Variants in ABCA13 observed in about 807,000 individuals in gnomAD.
ABCA13 encodes ATP-binding cassette sub-family A member 13.
A neutral mutation model predicts 478.7 loss-of-function variants in ABCA13; 476 were observed. The ratio of observed to expected loss-of-function variants is 0.99; its 90% CI spans 0.92 to 1.07. The LOEUF (loss-of-function observed/expected upper bound fraction) is 1.07, where lower values mean the gene tolerates loss of function less well. Ranked by LOEUF, ABCA13 falls within the 50% of genes least tolerant of loss-of-function variation. The pLI is 0.00. For missense variants in ABCA13, 6,060 were observed against 5,910.6 expected, an observed-to-expected ratio of 1.03 and a Z score of -0.83; for synonymous variants, 2,252 against 2,158.9, an observed-to-expected ratio of 1.04 and a Z score of -1.20.
intron 1 of ABCA13, among the ~76,000 whole-genome samples, chr7:48,187,028 T>TATAC (rs1290589114): frequency 6.0e-5 from 9 of 149,828 alleles, no homozygotes; most frequent in Middle Eastern, 3.3e-3. Flanking sequence ...TGTATATATA[T>TATAC]ATATATATCA....
intron 57 of ABCA13, among the ~76,000 whole-genome samples, chr7:48,593,667 AT>A (rs139806164): frequency 8.1e-4 from 113 of 139,340 alleles, no homozygotes; most frequent in Middle Eastern, 3.9e-3. Flanking sequence ...CCCCTTTAGC[AT>A]TTTTTTTTTA....
chr7:48,204,904 A>C, intron 3 of ABCA13, among the ~76,000 whole-genome samples: 1 of 152,140 alleles, frequency 6.6e-6, no homozygotes, highest in East Asian at 1.9e-4. Flanking sequence ...AGAAAGAAAA[A>C]ACGATCCAAG....
intron 42 of ABCA13, among the ~76,000 whole-genome samples, chr7:48,433,585 C>T (rs997903621): frequency 2.6e-5 from 4 of 151,596 alleles, no homozygotes; most frequent in Non-Finnish European, 5.9e-5. Context: ...TGGCATTACG[C>T]ACATTCACAT....
chr7:48,306,580 C>T (rs577935666), intron 23 of ABCA13, among the ~76,000 whole-genome samples: 4 of 152,300 alleles, frequency 2.6e-5, no homozygotes, highest in South Asian at 2.1e-4. Flanking sequence ...GAGAGCTTCC[C>T]CTCTGCCCAG....
In ABCA13 at chr7:48,273,538, T is replaced by G. The variant is rs1229468878; in HGVS notation, c.3872T>G (p.Phe1291Cys). The change falls in exon 17 of 62, where the codon TTT becomes TGT. Residue 1291 changes from phenylalanine to cysteine, a missense_variant. By Grantham distance (205) the Phe-to-Cys change is radical. Coordinates refer to ENST00000435803, the MANE Select transcript of ABCA13 (RefSeq NM_152701.5). Reference protein sequence around the residue: ...LNSLLEVFIEFSSTSEYIVRN... With the variant: ...LNSLLEVFIECSSTSEYIVRN... ...TCTCTGCTTGAAGTTTTCATTGAGT[T>G]TAGCAGTACCTCAGAATATATAGTC... 1.3e-6 allele frequency: 2 copies of G among 1,584,092 alleles called. No homozygotes were observed. The highest frequency in any genetic ancestry group is 1.7e-6 in the Non-Finnish European group (2 of 1,163,106).
At chr7:48,615,179 T>C in intron 58 of ABCA13, 106 bp from the exon 59 acceptor site, 1 of 584,064 alleles carries the variant, frequency 1.7e-6, no homozygotes. Flanking sequence ...AAAAATTAAG[T>C]AATTTGCCCT....
chr7:48,273,881 T>G lies in ABCA13; in HGVS notation c.4215T>G (p.Tyr1405Ter). ...IVWLDVINHL[Y>*]LLSNSSFSQG... is the part of the protein sequence containing the mutation. Reference sequence around the variant, plus strand: ...GGTTAGATGTCATAAACCATTTGTATTTGTTGTCTAACTCCAGTTTTTCAC... The same window carrying G: ...GGTTAGATGTCATAAACCATTTGTAGTTGTTGTCTAACTCCAGTTTTTCAC... Residue 1405 changes from tyrosine to a stop codon, truncating the protein, a stop_gained, in exon 17 of 62, where the codon TAT (tyrosine) becomes TAG (stop). Transcript: ENST00000435803. LOFTEE classifies it high-confidence loss of function. The G allele has an allele frequency of 1.9e-6, 3 of 1,612,850 alleles. No homozygotes were observed. Among genetic ancestry groups the G allele is most frequent in the Non-Finnish European group, 2.5e-6 (3 of 1,179,250 alleles).
chr7:48,573,227 C>A (rs571426326), intron 55 of ABCA13, among the ~76,000 whole-genome samples: 4 of 151,910 alleles, frequency 2.6e-5, no homozygotes, highest in East Asian at 3.9e-4. Flanking sequence ...GTATAATTCA[C>A]CTCTTTTTCC....
In ABCA13 at chr7:48,528,312, C is replaced by T; in HGVS notation, c.14321C>T (p.Thr4774Ile). The change falls in exon 55 of 62, where the codon ACT becomes ATT. Residue 4774 changes from threonine (T) to isoleucine (I), a missense_variant. By Grantham distance (89) the Thr-to-Ile change is moderately conservative. Transcript: ENST00000435803. ...ATGCTGAATGGTGAAGTTTCTCTAA[C>T]TTCAGGACATGCTATCATCAGGACT... is the stretch of plus-strand genomic sequence containing the variant. ...FKMLNGEVSLTSGHAIIRTPM... is the reference protein window; with the variant it reads ...FKMLNGEVSLISGHAIIRTPM... 1 of 1,571,718 alleles carries T rather than the reference C, an allele frequency of 6.4e-7. No individual in the cohort carries two copies. Among genetic ancestry groups the T allele is most frequent in the Non-Finnish European group, 8.6e-7 (1 of 1,157,226 alleles).
intron 45 of ABCA13, among the ~76,000 whole-genome samples, chr7:48,480,284 A>G (rs1377947566): frequency 2.0e-5 from 3 of 152,232 alleles, no homozygotes; most frequent in Non-Finnish European, 4.4e-5. Context: ...CCTCAGCTGC[A>G]GAACTCAGCT....
At chr7:48,257,972 G>C (rs113716463) in intron 15 of ABCA13, among the ~76,000 whole-genome samples, 1 of 152,110 alleles carries the variant, frequency 6.6e-6, no homozygotes, top group African/African-American at 2.4e-5. Context: ...TGCCCAGGCT[G>C]GAGTGAAGTG....
chr7:48,602,893 C>T (rs999101924), intron 58 of ABCA13, among the ~76,000 whole-genome samples: 2 of 152,018 alleles, frequency 1.3e-5, no homozygotes, highest in African/African-American at 4.8e-5. Flanking sequence ...ATTGTGTCCT[C>T]TTTTATTTCC....
chr7:48,222,501 T>G (rs1787514668), intron 5 of ABCA13, among the ~76,000 whole-genome samples: 1 of 152,226 alleles, frequency 6.6e-6, no homozygotes, highest in Admixed American at 6.5e-5. Flanking sequence ...GCATAAAATG[T>G]TCATTGATAA....
At chr7:48,431,653 T>C (rs2129144269) in intron 42 of ABCA13, among the ~76,000 whole-genome samples, 1 of 152,362 alleles carries the variant, frequency 6.6e-6, no homozygotes, top group South Asian at 2.1e-4. Context: ...ATCTGTTGAC[T>C]TCTGTTTTTA....
chr7:48,435,802 G>A (rs1487799927), intron 42 of ABCA13, among the ~76,000 whole-genome samples: 1 of 151,354 alleles, frequency 6.6e-6, no homozygotes, highest in African/African-American at 2.4e-5. Flanking sequence ...TCCTTTTAAT[G>A]TGTGGTATTA....
At chr7:48,300,136 A>G (rs1305173405) in intron 23 of ABCA13, among the ~76,000 whole-genome samples, 2 of 152,182 alleles carry the variant, frequency 1.3e-5, no homozygotes, top group Non-Finnish European at 2.9e-5. Flanking sequence ...TAGCAGCACC[A>G]TATTATTTCT....
rs368440480 is a variant in ABCA13 at position 48,427,833 on chromosome 7, T to G, written c.12527T>G (p.Leu4176Arg). 7 of 1,612,582 alleles carry G rather than the reference T, an allele frequency of 4.3e-6. No individual in the cohort carries two copies. The African/African-American group carries it at 5.3e-5, about 12-fold the overall frequency. Residue 4176 changes from leucine to arginine, a missense_variant, in exon 42 of 62, where the codon CTG becomes CGG. Leu to Arg is a moderately radical substitution (Grantham distance 102). Coordinates refer to ENST00000435803, the MANE Select transcript of ABCA13 (RefSeq NM_152701.5). The part of the protein sequence containing the change: ...SHIALGTESE[L>R]QNHRPTGHLS... ...ATTGCCCTGGGGACTGAGTCAGAGC[T>G]GCAGAACCACAGGCCTACAGGACAT...
chr7:48,564,886 A>G (rs1786870433), intron 55 of ABCA13, among the ~76,000 whole-genome samples: 1 of 152,132 alleles, frequency 6.6e-6, no homozygotes, highest in South Asian at 2.1e-4. Context: ...TACTATCCGG[A>G]ATCTGTAAAA....
chr7:48,179,415 GT>G (rs1271518923), intron 1 of ABCA13, among the ~76,000 whole-genome samples: 2 of 152,174 alleles, frequency 1.3e-5, no homozygotes, highest in African/African-American at 4.8e-5. Context: ...TGTCGGGGAT[GT>G]TTTCCTCCCC....
Sources: allele counts gnomAD v4.1 joint callset (sites outside exome capture counted in the v4.1 genomes callset), GRCh38; gene constraint gnomAD v4.1.1; transcripts MANE v1.5; gene names NCBI Gene and HGNC (gene_info 2026-07-23, HGNC 2026-07-21).